HECW2: variants seen among roughly 807,000 people sequenced by gnomAD.
HECW2 encodes the protein E3 ubiquitin-protein ligase HECW2.
HECW2 carries 61 observed loss-of-function variants against 175.2 expected under a neutral mutation model. That is an observed-to-expected ratio of 0.35 (90% CI 0.28 to 0.43). The LOEUF is 0.43. Ranked by LOEUF, HECW2 falls within the 20% of genes least tolerant of loss-of-function variation. The pLI, the probability that HECW2 is intolerant of heterozygous loss-of-function variation, is 1.00. For missense variants in HECW2, 1,524 were observed against 2,000.5 expected (o/e 0.76, Z 4.54); for synonymous variants, 671 against 731.0 (o/e 0.92, Z 1.32).
rs146907912 is a variant in HECW2, at chr2:196,413,971, T to G, written c.292+19161A>C. ...TTCAAGCCTCAAGGACTGAGGCAGG[T>G]TCTGCCTTCGTTGTGTGTTGCTGGT... is the stretch of plus-strand genomic sequence containing the variant. On this transcript the variant is annotated intron_variant, in intron 2 of 28. Transcript: ENST00000644978. 3.1e-4 allele frequency among the ~76,000 whole-genome samples: 47 copies of G among 152,308 alleles called. No individual in the cohort carries two copies. The East Asian group carries it at 8.7e-3, about 28-fold the overall frequency.
At position 196,307,988 on chromosome 2, in the gene HECW2, C is replaced by A. The variant is rs752148529; in HGVS notation, c.2532G>T (p.Pro844=). The change falls in exon 11 of 29, where the codon CCG becomes CCT. Residue 844 remains proline, a synonymous_variant. Coordinates refer to ENST00000644978, the MANE Select transcript of HECW2 (RefSeq NM_001348768.2). ...TGGAGTTAGATCTCTGCAGCACCTG[C>A]GGGGCTGGGGGAGCTGTCGGTCGCT... ...TWQRPTAPPA[P]QVLQRSNSIQ... is the part of the protein sequence containing the mutation. The A allele has an allele frequency of 1.2e-6, 2 of 1,603,792 alleles. No individual in the cohort carries two copies. Among genetic ancestry groups the A allele is most frequent in the South Asian group, 2.2e-5 (2 of 89,898 alleles).
At chr2:196,459,398 C>A (rs72912798) in intron 1 of HECW2, among the ~76,000 whole-genome samples, 32,028 of 151,842 alleles carry the variant, frequency 0.21, 3,794 homozygotes, top group African/African-American at 0.33. Flanking sequence ...AAGGAGAGTA[C>A]TGGAGAGTGG....
intron 21 of HECW2, among the ~76,000 whole-genome samples, chr2:196,230,183 A>G (rs1313342197): frequency 1.3e-5 from 2 of 152,214 alleles, no homozygotes; most frequent in Non-Finnish European, 2.9e-5. Context: ...CTCCCAAAGC[A>G]GTACCCTGGC....
intron 1 of HECW2, among the ~76,000 whole-genome samples, chr2:196,472,163 G>A (rs1345260545): frequency 6.6e-6 from 1 of 152,040 alleles, no homozygotes; most frequent in Admixed American, 6.6e-5. Context: ...GCTATATATT[G>A]TATGTAGGTA....
intron 1 of HECW2, among the ~76,000 whole-genome samples, chr2:196,584,182 G>A (rs1225691645): frequency 6.6e-6 from 1 of 152,240 alleles, no homozygotes; most frequent in Non-Finnish European, 1.5e-5. Context: ...CCTGGGGCCT[G>A]AAAGAGTAAG....
intron 1 of HECW2, among the ~76,000 whole-genome samples, chr2:196,479,931 C>T (rs2125369810): frequency 6.6e-6 from 1 of 152,278 alleles, no homozygotes. Flanking sequence ...ATGCATTATT[C>T]ATGCTTAGAA....
In HECW2 at chr2:196,225,945, G is replaced by A. The variant is rs1044042693; in HGVS notation, c.3918-75C>T. On this transcript the variant is annotated intron_variant, in intron 22 of 28. Transcript: ENST00000644978. ...GGTGGTTCCATATGCTTTCTAGAAT[G>A]CCTTCCAGCGCTAACCATCTAAATT... 122 of 862,582 alleles carry A rather than the reference G, an allele frequency of 1.4e-4. 2 individuals carry two copies. The highest frequency in any genetic ancestry group is 5.7e-4 in the Admixed American group (29 of 51,072). The allele number at this position is 862,582 out of a possible 1,614,324, so 53.4% of individuals were successfully genotyped here. A position where few individuals can be genotyped will look rare whatever the true frequency, so the allele number is the denominator to read the frequency against.
Position 196,455,945 on chromosome 2 carries a change from A to G in HECW2, c.-35-22487T>C, listed in dbSNP as rs527938125. On this transcript the variant is annotated intron_variant, in intron 1 of 28. Transcript: ENST00000644978. ...TATTGAGCCCTTTAACTTTAAGGAT[A>G]ACATTTTCATCTAGTATTCTTGACT... 5.9e-5 allele frequency among the ~76,000 whole-genome samples: 9 copies of G among 152,222 alleles called. No homozygotes were observed. In the South Asian group the frequency reaches 1.9e-3, roughly 32 times the overall value.
At chr2:196,515,130 A>G (rs1410486448) in intron 1 of HECW2, among the ~76,000 whole-genome samples, 1 of 152,240 alleles carries the variant, frequency 6.6e-6, no homozygotes, top group Non-Finnish European at 1.5e-5. Context: ...AGCCATGTGC[A>G]GTACATCTGG....
chr2:196,316,940 A>G (rs1020899909), intron 10 of HECW2: 1 of 236,296 alleles, frequency 4.2e-6, no homozygotes, highest in Middle Eastern at 1.6e-3. Context: ...CAATTTGTCT[A>G]TTAGCTGAAA....
At chr2:196,220,548 T>C (rs1324546296) in intron 25 of HECW2, among the ~76,000 whole-genome samples, 3 of 152,230 alleles carry the variant, frequency 2.0e-5, no homozygotes, top group African/African-American at 7.2e-5. Context: ...ATGTTACTAG[T>C]GGTCATTAAA....
intron 21 of HECW2, among the ~76,000 whole-genome samples, chr2:196,235,604 C>T (rs1215757558): frequency 6.7e-6 from 1 of 148,782 alleles, no homozygotes; most frequent in Non-Finnish European, 1.5e-5. Context: ...TGAAATCTCT[C>T]TGCTCATTCA....
At chr2:196,334,805 G>A (rs1242523047) in intron 3 of HECW2, among the ~76,000 whole-genome samples, 2 of 152,198 alleles carry the variant, frequency 1.3e-5, no homozygotes, top group East Asian at 3.8e-4. Context: ...ATTTATTGAG[G>A]TGCTCCTTAA....
chr2:196,589,109 G>A (rs1300903044), intron 1 of HECW2, among the ~76,000 whole-genome samples: 1 of 152,160 alleles, frequency 6.6e-6, no homozygotes. Flanking sequence ...GGAGGCATGA[G>A]AATCGCTTAA....
intron 18 of HECW2, 40 bp downstream of exon 18, chr2:196,257,783 A>C: frequency 7.3e-7 from 1 of 1,367,572 alleles, no homozygotes; most frequent in African/African-American, 1.4e-5. Flanking sequence ...ATCTGATGAC[A>C]AGAGACCTTC....
intron 1 of HECW2, among the ~76,000 whole-genome samples, chr2:196,591,938 T>A (rs149827940): frequency 2.5e-4 from 38 of 152,274 alleles, no homozygotes; most frequent in South Asian, 4.1e-4. Flanking sequence ...TCTTGGAACA[T>A]ACAGCCATCT....
chr2:196,298,852 T>A (rs1375752859), intron 13 of HECW2, among the ~76,000 whole-genome samples: 1 of 152,178 alleles, frequency 6.6e-6, no homozygotes, highest in Non-Finnish European at 1.5e-5. Flanking sequence ...AACAGGGAAG[T>A]AACTGAAAGA....
intron 1 of HECW2, among the ~76,000 whole-genome samples, chr2:196,545,083 T>C (rs761859672): frequency 2.6e-5 from 4 of 152,214 alleles, no homozygotes; most frequent in Admixed American, 6.5e-5. Context: ...AATGTATTCA[T>C]TGACAGGGAA....
At chr2:196,562,828 G>C (rs753062577) in intron 1 of HECW2, among the ~76,000 whole-genome samples, 3 of 152,132 alleles carry the variant, frequency 2.0e-5, no homozygotes, top group Non-Finnish European at 4.4e-5. Flanking sequence ...AGGATCACTT[G>C]AGCCCAGGAG....
Sources: allele counts gnomAD v4.1 joint callset (sites outside exome capture counted in the v4.1 genomes callset), GRCh38; gene constraint gnomAD v4.1.1; transcripts MANE v1.5; gene names NCBI Gene and HGNC (gene_info 2026-07-23, HGNC 2026-07-21).